Variants in DOCK3 observed in about 807,000 individuals in gnomAD.
The protein encoded by DOCK3 is dedicator of cytokinesis protein 3.
Under a neutral mutation model 265.6 loss-of-function variants are expected in DOCK3, and 60 were observed. That is an observed-to-expected ratio of 0.23 (90% CI 0.18 to 0.28). DOCK3 has a LOEUF of 0.28. Among genes scored for constraint, DOCK3 ranks in the 10% least tolerant of loss-of-function variants. The pLI is 1.00. For missense variants in DOCK3, 1,981 were observed against 2,594.3 expected, an observed-to-expected ratio of 0.76 and a Z score of 5.14; for synonymous variants, 881 against 938.0, an observed-to-expected ratio of 0.94 and a Z score of 1.11.
At chr3:50,816,279 T>A (rs2044069945) in intron 2 of DOCK3, among the ~76,000 whole-genome samples, 1 of 151,926 alleles carries the variant, frequency 6.6e-6, no homozygotes, top group Admixed American at 6.6e-5. Context: ...TCATTGTTTT[T>A]AGGATTATTT....
chr3:51,271,843 T>G (rs1227552661), intron 24 of DOCK3, among the ~76,000 whole-genome samples: 2 of 129,814 alleles, frequency 1.5e-5, no homozygotes, highest in African/African-American at 3.0e-5. Flanking sequence ...AGAGCGAGAC[T>G]GTCTCAGGAA....
chr3:50,994,184 A>G (rs1488162086), intron 5 of DOCK3, among the ~76,000 whole-genome samples: 5 of 152,218 alleles, frequency 3.3e-5, no homozygotes, highest in Admixed American at 3.3e-4. Context: ...GCTTTTTGAG[A>G]TAGAATTAGT....
chr3:51,278,360 A>G (rs2080927289), intron 26 of DOCK3: 2 of 985,322 alleles, frequency 2.0e-6, no homozygotes, highest in South Asian at 4.7e-5. Context: ...ATGCACCCCA[A>G]CTCCAGAGTA....
intron 5 of DOCK3, among the ~76,000 whole-genome samples, chr3:51,023,480 A>G (rs2079683356): frequency 6.6e-6 from 1 of 150,804 alleles, no homozygotes; most frequent in South Asian, 2.1e-4. Context: ...CAGTGGTGTG[A>G]TCTCGGCTCA....
At chr3:51,192,621 C>T (rs75376073) in intron 12 of DOCK3, among the ~76,000 whole-genome samples, 11 of 152,136 alleles carry the variant, frequency 7.2e-5, no homozygotes, top group African/African-American at 1.2e-4. Context: ...GGAGACCTCA[C>T]GGAAGTCTGC....
intron 22 of DOCK3, among the ~76,000 whole-genome samples, chr3:51,248,946 C>T (rs1488106590): frequency 6.8e-6 from 1 of 147,264 alleles, no homozygotes; most frequent in African/African-American, 2.5e-5. Context: ...GTGAGGAGAC[C>T]CTCCGCCCGG....
chr3:50,718,771 ATTTTTTTTTTTTTTTTTT>A (rs373965842), intron 1 of DOCK3, among the ~76,000 whole-genome samples: 4 of 76,960 alleles, frequency 5.2e-5, no homozygotes, highest in African/African-American at 1.5e-4. Flanking sequence ...TTGTGGGTTG[ATTTTTTTTTTTTTTTTTT>A]TTTTTTTTTT....
At chr3:51,023,461 C>G (rs940045123) in intron 5 of DOCK3, among the ~76,000 whole-genome samples, 18 of 152,020 alleles carry the variant, frequency 1.2e-4, no homozygotes, top group Non-Finnish European at 4.4e-5. Flanking sequence ...TCTGTTGTGC[C>G]ATGGAGTGCA....
At chr3:50,897,635 T>G (rs980926968) in intron 4 of DOCK3, among the ~76,000 whole-genome samples, 1 of 151,938 alleles carries the variant, frequency 6.6e-6, no homozygotes, top group Non-Finnish European at 1.5e-5. Context: ...TAGCTCTTAT[T>G]ATTTTGAGAT....
intron 14 of DOCK3, among the ~76,000 whole-genome samples, chr3:51,216,577 C>A (rs1431756909): frequency 6.6e-6 from 1 of 152,208 alleles, no homozygotes; most frequent in Non-Finnish European, 1.5e-5. Context: ...AATCTGCCCC[C>A]TCTTCCACCC....
intron 3 of DOCK3, among the ~76,000 whole-genome samples, chr3:50,881,458 A>T (rs1048396490): frequency 1.4e-4 from 22 of 152,338 alleles, no homozygotes; most frequent in African/African-American, 5.1e-4. Flanking sequence ...AATCACAAGC[A>T]TTCCTGTACA....
rs538722117 is a variant in DOCK3, at chr3:50,801,102, G to GT, written c.121+22352dup. Among the ~76,000 whole-genome samples the GT allele has an allele frequency of 1.4e-4, 21 of 151,856 alleles. No homozygotes were observed. The South Asian group carries it at 1.7e-3, about 12-fold the overall frequency. ...ATAGTGCTTGAATATAAAATTTTCT[G>GT]TTTTTTTTCTTCTCAGCAAGGCAAT... On this transcript the variant is annotated intron_variant, in intron 2 of 52. Coordinates refer to ENST00000266037, the MANE Select transcript of DOCK3 (RefSeq NM_004947.5).
At chr3:51,299,029 C>G (rs2082243986) in intron 27 of DOCK3, among the ~76,000 whole-genome samples, 1 of 152,178 alleles carries the variant, frequency 6.6e-6, no homozygotes, top group East Asian at 1.9e-4. Flanking sequence ...AATTTACATT[C>G]CCACCAACCG....
intron 9 of DOCK3, among the ~76,000 whole-genome samples, chr3:51,117,394 A>G (rs1488413792): frequency 6.6e-6 from 1 of 152,082 alleles, no homozygotes; most frequent in Non-Finnish European, 1.5e-5. Flanking sequence ...TTTTGCATCG[A>G]TGTTCATCAG....
At position 51,292,630 on chromosome 3, in the gene DOCK3, A is replaced by G. The variant is rs1398919190; in HGVS notation, c.2922+12426A>G. On this transcript the variant is annotated intron_variant, in intron 27 of 52. Coordinates refer to ENST00000266037, the MANE Select transcript of DOCK3 (RefSeq NM_004947.5). ...CTACAAAAATAAAGAAGTTACAAAA[A>G]CCATCCTGTTTACAATAGTATTTTT... Among the ~76,000 whole-genome samples the G allele has an allele frequency of 2.0e-5, 3 of 152,070 alleles. No homozygotes were observed. In the East Asian group the frequency reaches 5.8e-4, roughly 29 times the overall value.
intron 1 of DOCK3, chr3:50,719,493 C>A: frequency 1.2e-6 from 1 of 837,554 alleles, no homozygotes; most frequent in Non-Finnish European, 1.9e-6. Flanking sequence ...TAGAATTGTC[C>A]ACAGTCGGCA....
chr3:51,105,971 C>G (rs1005386048), intron 9 of DOCK3, among the ~76,000 whole-genome samples: 4 of 152,198 alleles, frequency 2.6e-5, no homozygotes, highest in African/African-American at 9.7e-5. Flanking sequence ...CCCTCAACCA[C>G]CACAGACACT....
chr3:51,321,699 C>G (rs1406989163), intron 32 of DOCK3, among the ~76,000 whole-genome samples: 1 of 151,794 alleles, frequency 6.6e-6, no homozygotes, highest in Admixed American at 6.6e-5. Flanking sequence ...TATCAATAGC[C>G]AAATTGATCA....
At chr3:50,899,222 C>G (rs1206811814) in intron 4 of DOCK3, among the ~76,000 whole-genome samples, 1 of 152,096 alleles carries the variant, frequency 6.6e-6, no homozygotes, top group African/African-American at 2.4e-5. Context: ...ATCACTTTAC[C>G]ATTATGTAAT....
Sources: allele counts gnomAD v4.1 joint callset (sites outside exome capture counted in the v4.1 genomes callset), GRCh38; gene constraint gnomAD v4.1.1; transcripts MANE v1.5; gene names NCBI Gene and HGNC (gene_info 2026-07-23, HGNC 2026-07-21).